EFNA5: variants seen among roughly 807,000 people sequenced by gnomAD.
The protein encoded by EFNA5 is ephrin A5.
In EFNA5, 5 loss-of-function variants were observed where a neutral mutation model predicts 22.9. The ratio of observed to expected loss-of-function variants is 0.22; its 90% confidence interval spans 0.11 to 0.46. The LOEUF (loss-of-function observed/expected upper bound fraction) is 0.46, where lower values mean the gene tolerates loss of function less well. EFNA5 is among the 20% of genes least tolerant of loss of function. The pLI is 0.99. For missense variants in EFNA5, 237 were observed against 293.3 expected (o/e 0.81, Z 1.40); for synonymous variants, 113 against 112.2 (o/e 1.01, Z -0.04).
chr5:107,547,052 C>G (rs1421926574), intron 1 of EFNA5, among the ~76,000 whole-genome samples: 1 of 152,144 alleles, frequency 6.6e-6, no homozygotes, highest in African/African-American at 2.4e-5. Context: ...CAGACAAGCT[C>G]AAACTGACAA....
intron 1 of EFNA5, among the ~76,000 whole-genome samples, chr5:107,451,590 TGGTGAATAGATG>T (rs1749562236): frequency 6.6e-6 from 1 of 152,016 alleles, no homozygotes; most frequent in Non-Finnish European, 1.5e-5. Flanking sequence ...GAGAAAACGA[TGGTGAATAGATG>T]AATGAATGAA....
intron 1 of EFNA5, among the ~76,000 whole-genome samples, chr5:107,433,772 G>A (rs1561384296): frequency 1.3e-5 from 2 of 152,014 alleles, no homozygotes; most frequent in South Asian, 2.1e-4. Flanking sequence ...ATAGTAGTGT[G>A]TGCCTGTAGT....
intron 1 of EFNA5, among the ~76,000 whole-genome samples, chr5:107,458,282 A>G (rs3909931): frequency 6.6e-6 from 1 of 152,022 alleles, no homozygotes; most frequent in African/African-American, 2.4e-5. Context: ...ACTATGTGCT[A>G]TGTATCACCT....
At chr5:107,424,188 T>A (rs1369254196) in intron 2 of EFNA5, among the ~76,000 whole-genome samples, 1 of 149,652 alleles carries the variant, frequency 6.7e-6, no homozygotes, top group Non-Finnish European at 1.5e-5. Flanking sequence ...CTTTCTTTTT[T>A]CTTTCTTTCA....
chr5:107,555,912 A>T (rs1364197798), intron 1 of EFNA5, among the ~76,000 whole-genome samples: 1 of 152,202 alleles, frequency 6.6e-6, no homozygotes, highest in Non-Finnish European at 1.5e-5. Context: ...CTTTCAAAGC[A>T]TCTCTATCCA....
At chr5:107,446,546 G>A (rs1023802831) in intron 1 of EFNA5, among the ~76,000 whole-genome samples, 3 of 152,010 alleles carry the variant, frequency 2.0e-5, no homozygotes, top group Admixed American at 1.3e-4. Flanking sequence ...TCAGGAGATC[G>A]AGACCAGACC....
At chr5:107,491,752 A>C (rs1350797325) in intron 1 of EFNA5, among the ~76,000 whole-genome samples, 1 of 152,230 alleles carries the variant, frequency 6.6e-6, no homozygotes, top group African/African-American at 2.4e-5. Context: ...TGGGAAGAAG[A>C]CATGTTTTTC....
chr5:107,604,728 A>G (rs1019787253), intron 1 of EFNA5, among the ~76,000 whole-genome samples: 8 of 152,214 alleles, frequency 5.3e-5, no homozygotes, highest in Non-Finnish European at 1.2e-4. Context: ...AAATAGAGGC[A>G]GAATGTCAGT....
chr5:107,546,651 AACAC>A (rs767896375), intron 1 of EFNA5, among the ~76,000 whole-genome samples: 3,975 of 121,298 alleles, frequency 0.033, 114 homozygotes, highest in African/African-American at 0.091. Flanking sequence ...TGGTGCGTAA[AACAC>A]ACACACACAC....
intron 2 of EFNA5, among the ~76,000 whole-genome samples, chr5:107,397,905 A>T (rs1023770712): frequency 2.0e-5 from 3 of 152,144 alleles, no homozygotes; most frequent in Non-Finnish European, 4.4e-5. Context: ...ATTCTAGTTT[A>T]CTCTGATTGT....
chr5:107,387,848 T>C (rs1358544821), intron 2 of EFNA5, 77 bp from the exon 3 acceptor site: 1 of 1,015,504 alleles, frequency 9.8e-7, no homozygotes. Flanking sequence ...CACATACAAA[T>C]GATGAACAAT....
intron 1 of EFNA5, among the ~76,000 whole-genome samples, chr5:107,499,005 A>C (rs1331408297): frequency 1.1e-5 from 1 of 91,978 alleles, no homozygotes; most frequent in East Asian, 4.1e-4. Context: ...TATCAGCCAA[A>C]GGAGTCTTTG....
chr5:107,386,463 T>C (rs1033339747), intron 4 of EFNA5, among the ~76,000 whole-genome samples: 7 of 152,240 alleles, frequency 4.6e-5, no homozygotes, highest in Non-Finnish European at 1.0e-4. Context: ...ATCCATAGTA[T>C]GCGACAGACT....
chr5:107,448,510 C>T (rs142683270), intron 1 of EFNA5, among the ~76,000 whole-genome samples: 1 of 152,098 alleles, frequency 6.6e-6, no homozygotes, highest in East Asian at 1.9e-4. Flanking sequence ...AAAAGTTACA[C>T]AGAGGGAGGA....
intron 1 of EFNA5, among the ~76,000 whole-genome samples, chr5:107,640,202 T>C (rs1337847967): frequency 2.0e-5 from 3 of 152,150 alleles, no homozygotes; most frequent in East Asian, 1.9e-4. Context: ...TGGTTTCCCA[T>C]TGAACTAAAG....
intron 1 of EFNA5, among the ~76,000 whole-genome samples, chr5:107,668,305 C>T (rs367946690): frequency 1.3e-5 from 2 of 152,160 alleles, no homozygotes; most frequent in Admixed American, 6.5e-5. Flanking sequence ...GGTTCAAAGC[C>T]TCCATGGCAT....
intron 1 of EFNA5, among the ~76,000 whole-genome samples, chr5:107,657,542 C>G (rs144535390): frequency 7.8e-4 from 118 of 152,052 alleles, no homozygotes; most frequent in African/African-American, 2.7e-3. Flanking sequence ...AAATAGTACC[C>G]AATGTTCTAA....
chr5:107,530,183 T>C (rs1247854292), intron 1 of EFNA5, among the ~76,000 whole-genome samples: 1 of 152,220 alleles, frequency 6.6e-6, no homozygotes, highest in African/African-American at 2.4e-5. Flanking sequence ...CCACTGTAAG[T>C]CAGCAAGGGG....
At chr5:107,473,390 T>G (rs1290502723) in intron 1 of EFNA5, among the ~76,000 whole-genome samples, 1 of 152,054 alleles carries the variant, frequency 6.6e-6, no homozygotes, top group Admixed American at 6.6e-5. Context: ...GCAGCCAGCT[T>G]CTAATGAATT....
Sources: allele counts gnomAD v4.1 joint callset (sites outside exome capture counted in the v4.1 genomes callset), GRCh38; gene constraint gnomAD v4.1.1; transcripts MANE v1.5; gene names NCBI Gene and HGNC (gene_info 2026-07-23, HGNC 2026-07-21).